The following SMYD3 variants were observed in gnomAD, a reference collection of about 807,000 sequenced individuals.
SMYD3 encodes the protein SET and MYND domain containing 3.
SMYD3 carries 36 observed loss-of-function variants against 57.7 expected under a neutral mutation model. That is an observed-to-expected ratio of 0.62 (90% CI 0.48 to 0.82). The LOEUF is 0.82. Among genes scored for constraint, SMYD3 ranks in the 40% least tolerant of loss-of-function variants. The pLI is 0.00. For synonymous variants in SMYD3, 211 were observed against 195.0 expected (o/e 1.08, Z -0.68); for missense variants, 515 against 538.8 (o/e 0.96, Z 0.44).
At chr1:245,798,423 CCCCCACACACAT>C (rs2047675265) in intron 10 of SMYD3, among the ~76,000 whole-genome samples, 18 of 15,050 alleles carry the variant, frequency 1.2e-3, no homozygotes, top group Admixed American at 3.5e-3. Flanking sequence ...CACATACACA[CCCCCACACACAT>C]ACACACACAT....
intron 5 of SMYD3, among the ~76,000 whole-genome samples, chr1:246,099,160 G>A (rs2060966250): frequency 6.6e-6 from 1 of 152,112 alleles, no homozygotes; most frequent in African/African-American, 2.4e-5. Flanking sequence ...GGGCCTATCG[G>A]GCAAGTTGTT....
chr1:246,165,959 A>T (rs1175859903), intron 5 of SMYD3, among the ~76,000 whole-genome samples: 1 of 152,068 alleles, frequency 6.6e-6, no homozygotes, highest in African/African-American at 2.4e-5. Flanking sequence ...TCTAGAAGTA[A>T]ATGGATCTAC....
At chr1:245,763,957 G>A (rs2045964694) in intron 11 of SMYD3, 84 bp downstream of exon 11, 1 of 1,010,004 alleles carries the variant, frequency 9.9e-7, no homozygotes, top group African/African-American at 1.6e-5. Flanking sequence ...CATACATAGA[G>A]CTGCTAACAA....
chr1:245,773,181 AACT>A (rs1225137618), intron 10 of SMYD3, among the ~76,000 whole-genome samples: 2 of 152,020 alleles, frequency 1.3e-5, no homozygotes, highest in African/African-American at 2.4e-5. Flanking sequence ...AAACCACTTG[AACT>A]ACTGCTACAT....
At chr1:245,948,739 C>T (rs1017690708) in intron 5 of SMYD3, among the ~76,000 whole-genome samples, 1 of 152,090 alleles carries the variant, frequency 6.6e-6, no homozygotes, top group African/African-American at 2.4e-5. Flanking sequence ...GGCTGAAGCA[C>T]AAGCCACTAG....
At chr1:246,015,862 G>A (rs2059367755) in intron 5 of SMYD3, among the ~76,000 whole-genome samples, 1 of 152,002 alleles carries the variant, frequency 6.6e-6, no homozygotes, top group African/African-American at 2.4e-5. Context: ...CACCAAATGT[G>A]TACAAATATC....
chr1:246,176,443 T>C (rs1453937342), intron 5 of SMYD3, among the ~76,000 whole-genome samples: 2 of 152,226 alleles, frequency 1.3e-5, no homozygotes, highest in East Asian at 3.8e-4. Flanking sequence ...TTTGACTCTT[T>C]AAAACATTGG....
At chr1:246,097,119 A>G (rs569996605) in intron 5 of SMYD3, among the ~76,000 whole-genome samples, 19 of 152,330 alleles carry the variant, frequency 1.2e-4, no homozygotes, top group Non-Finnish European at 2.2e-4. Context: ...CGTGAAAAAT[A>G]TAGTTGTTCA....
rs926655784 is a variant in SMYD3, at chr1:245,863,793, G to A, written c.901+6C>T. On this transcript the variant is annotated splice_donor_region_variant and intron_variant, in intron 9 of 11. Coordinates refer to ENST00000490107, the MANE Select transcript of SMYD3 (RefSeq NM_001167740.2). The stretch of plus-strand genomic sequence containing the variant: ...AGTCCACCTCAATCCACAGGCGAAA[G>A]GATACTCCAGTGTGCCTTCAGTTCT... The A allele has an allele frequency of 1.9e-6, 3 of 1,612,786 alleles. No individual in the cohort carries two copies. The highest frequency in any genetic ancestry group is 2.7e-5 in the African/African-American group (2 of 74,878).
At chr1:246,097,352 AAAG>A (rs1184444341) in intron 5 of SMYD3, among the ~76,000 whole-genome samples, 1 of 152,120 alleles carries the variant, frequency 6.6e-6, no homozygotes, top group Non-Finnish European at 1.5e-5. Context: ...AAGGGATAGC[AAAG>A]TCAGAAGTAT....
chr1:245,795,370 C>T (rs2047478652), intron 10 of SMYD3, among the ~76,000 whole-genome samples: 1 of 152,144 alleles, frequency 6.6e-6, no homozygotes, highest in Non-Finnish European at 1.5e-5. Context: ...ATCAACATCC[C>T]CGGTTTTCAG....
chr1:246,051,133 C>CTTT lies in SMYD3; in HGVS notation c.532-121199_532-121197dup, dbSNP rs11453523. ...ATTAACTTCTTTTTTTTTCTTACTC[C>CTTT]TTTTTTTTTTTTTTTGAGACAAGGT... On this transcript the variant is annotated intron_variant, in intron 5 of 11. Coordinates refer to ENST00000490107, the MANE Select transcript of SMYD3 (RefSeq NM_001167740.2). Among the ~76,000 whole-genome samples the CTTT allele has an allele frequency of 8.5e-5, 12 of 141,710 alleles. 1 individual carries two copies. The highest frequency in any genetic ancestry group is 1.5e-4 in the Non-Finnish European group (10 of 64,904). The allele number at this position is 141,710 out of a possible 152,430, so 93.0% of individuals were successfully genotyped here.
chr1:245,913,386 T>C (rs1300152991), intron 8 of SMYD3, among the ~76,000 whole-genome samples: 139 of 128,052 alleles, frequency 1.1e-3, no homozygotes, highest in Admixed American at 1.9e-3. Context: ...GGGGGAGGGA[T>C]AGCATTAGGA....
chr1:245,863,169 T>A (rs2051647832), intron 9 of SMYD3, among the ~76,000 whole-genome samples: 1 of 152,198 alleles, frequency 6.6e-6, no homozygotes, highest in African/African-American at 2.4e-5. Flanking sequence ...TCCAATGAAC[T>A]CCTCTACCAG....
chr1:246,103,670 C>T (rs2061061577), intron 5 of SMYD3, among the ~76,000 whole-genome samples: 1 of 152,148 alleles, frequency 6.6e-6, no homozygotes, highest in Non-Finnish European at 1.5e-5. Flanking sequence ...TCTTTATGCG[C>T]CTGGGCTCTA....
chr1:245,809,464 G>C (rs2048343723), intron 10 of SMYD3, among the ~76,000 whole-genome samples: 1 of 152,142 alleles, frequency 6.6e-6, no homozygotes, highest in Non-Finnish European at 1.5e-5. Flanking sequence ...GAGTTCAAAA[G>C]GAGGAAGGAG....
intron 5 of SMYD3, among the ~76,000 whole-genome samples, chr1:246,030,659 T>G (rs998466446): frequency 2.6e-5 from 4 of 152,226 alleles, no homozygotes; most frequent in African/African-American, 9.6e-5. Context: ...TATCACTCTG[T>G]ATCCCATAAA....
intron 1 of SMYD3, among the ~76,000 whole-genome samples, chr1:246,422,931 C>T (rs1472931788): frequency 6.6e-6 from 1 of 151,890 alleles, no homozygotes; most frequent in African/African-American, 2.4e-5. Context: ...CTGGTTAGAT[C>T]TAAAATTCAA....
At chr1:246,432,220 A>G (rs2067307910) in intron 1 of SMYD3, among the ~76,000 whole-genome samples, 1 of 152,248 alleles carries the variant, frequency 6.6e-6, no homozygotes, top group South Asian at 2.1e-4. Flanking sequence ...TAAAAAGACA[A>G]ACACAATTTC....
Sources: allele counts gnomAD v4.1 joint callset (sites outside exome capture counted in the v4.1 genomes callset), GRCh38; gene constraint gnomAD v4.1.1; transcripts MANE v1.5; gene names NCBI Gene and HGNC (gene_info 2026-07-23, HGNC 2026-07-21).